Variants in BTBD7 observed in about 807,000 individuals in gnomAD.
BTBD7 encodes BTB/POZ domain-containing protein 7.
BTBD7 carries 38 observed loss-of-function variants against 99.9 expected under a neutral mutation model. The observed-to-expected ratio is 0.38, with a 90% CI of 0.29 to 0.50. The LOEUF (loss-of-function observed/expected upper bound fraction) is 0.50. Among genes scored for constraint, BTBD7 ranks in the 20% least tolerant of loss-of-function variants. The pLI, the probability that BTBD7 is intolerant of heterozygous loss-of-function variation, is 0.93. For missense variants in BTBD7, 1,170 were observed against 1,394.6 expected (o/e 0.84, Z 2.57); for synonymous variants, 520 against 511.4 (o/e 1.02, Z -0.23).
chr14:93,272,968 A>G (rs888873817), intron 3 of BTBD7, among the ~76,000 whole-genome samples: 26 of 152,190 alleles, frequency 1.7e-4, no homozygotes, highest in African/African-American at 6.3e-4. Flanking sequence ...AATGACCTGC[A>G]TGTCAGCCTT....
Position 93,332,813 on chromosome 14 carries a change from C to T in BTBD7, c.-107+7G>A, listed in dbSNP as rs1190814031. On this transcript the variant is annotated splice_region_variant and intron_variant, in intron 1 of 10. Coordinates refer to ENST00000334746, the MANE Select transcript of BTBD7 (RefSeq NM_001002860.4). ...CCACAGCCTCAGAGACACCAAGGGA[C>T]ACTCACCCCGGAGGCTCCTCCCGCC... is the stretch of plus-strand genomic sequence containing the variant. 1 of 1,477,236 alleles carries T rather than the reference C, an allele frequency of 6.8e-7. No individual in the cohort carries two copies. Among genetic ancestry groups the T allele is most frequent in the Non-Finnish European group, 8.9e-7 (1 of 1,120,358 alleles). The allele number at this position is 1,477,236 out of a possible 1,614,324, so 91.5% of individuals were successfully genotyped here.
intron 1 of BTBD7, among the ~76,000 whole-genome samples, chr14:93,306,348 C>T (rs2053069824): frequency 6.6e-6 from 1 of 151,488 alleles, no homozygotes; most frequent in African/African-American, 2.4e-5. Context: ...TGGCTCACGC[C>T]TATAATCCCA....
In BTBD7 at chr14:93,284,481, G is replaced by A. The variant is rs908846410; in HGVS notation, c.1162+9377C>T. Among the ~76,000 whole-genome samples, 44 of 149,804 alleles carry A rather than the reference G, an allele frequency of 2.9e-4. 1 individual carries two copies. Among genetic ancestry groups the A allele is most frequent in the Admixed American group, 2.0e-4 (3 of 15,070 alleles). The stretch of plus-strand genomic sequence containing the variant: ...CACTTTTTTTTTTTTTAAAGAAAAG[G>A]TTACTCAGCTTTCAAAGGTATTAAA... On this transcript the variant is annotated intron_variant, in intron 3 of 10. Transcript: ENST00000334746.
intron 3 of BTBD7, among the ~76,000 whole-genome samples, chr14:93,292,898 A>G (rs1469412496): frequency 3.9e-5 from 6 of 152,128 alleles, no homozygotes; most frequent in East Asian, 1.9e-4. Flanking sequence ...CATATAATAC[A>G]TATTATTTTC....
rs572717867 is a variant in BTBD7 at position 93,309,946 on chromosome 14, C to A, written c.-106-13789G>T. ...CTACCCATTGCCAAGTTTCAACCAA[C>A]ATTTACCAATTGGCAGGTGTTTTTT... On this transcript the variant is annotated intron_variant, in intron 1 of 10. Coordinates refer to ENST00000334746, the MANE Select transcript of BTBD7 (RefSeq NM_001002860.4). 1.2e-4 allele frequency among the ~76,000 whole-genome samples: 18 copies of A among 149,470 alleles called. No homozygotes were observed. The East Asian group carries it at 3.3e-3, about 28-fold the overall frequency.
chr14:93,326,985 G>A (rs1374312726), intron 1 of BTBD7, among the ~76,000 whole-genome samples: 1 of 151,538 alleles, frequency 6.6e-6, no homozygotes, highest in Non-Finnish European at 1.5e-5. Flanking sequence ...AGGCAACACT[G>A]CAAGGCCCTG....
intron 3 of BTBD7, among the ~76,000 whole-genome samples, chr14:93,272,154 T>TA (rs1397523223): frequency 6.6e-6 from 1 of 152,048 alleles, no homozygotes; most frequent in Non-Finnish European, 1.5e-5. Context: ...CCATCTGTAC[T>TA]AAAAATCTAC....
At chr14:93,326,195 G>A (rs1894670029) in intron 1 of BTBD7, among the ~76,000 whole-genome samples, 1 of 152,214 alleles carries the variant, frequency 6.6e-6, no homozygotes, top group Non-Finnish European at 1.5e-5. Context: ...AGCTGGGCAT[G>A]GTGGCTCACA....
At chr14:93,327,641 G>A (rs1458444037) in intron 1 of BTBD7, among the ~76,000 whole-genome samples, 1 of 152,018 alleles carries the variant, frequency 6.6e-6, no homozygotes, top group African/African-American at 2.4e-5. Context: ...ACATAATCAA[G>A]GTCTTATATA....
At chr14:93,274,381 T>C (rs937778368) in intron 3 of BTBD7, among the ~76,000 whole-genome samples, 9 of 152,176 alleles carry the variant, frequency 5.9e-5, no homozygotes, top group African/African-American at 2.2e-4. Flanking sequence ...GCTGTGAAAA[T>C]TGTGACCCTT....
chr14:93,259,561 G>A (rs2139699561), intron 5 of BTBD7, among the ~76,000 whole-genome samples: 1 of 152,090 alleles, frequency 6.6e-6, no homozygotes, highest in South Asian at 2.1e-4. Context: ...TTGATTTTGG[G>A]GTTACAAATA....
intron 5 of BTBD7, among the ~76,000 whole-genome samples, chr14:93,261,141 G>A (rs147645551): frequency 1.3e-5 from 2 of 152,146 alleles, no homozygotes; most frequent in African/African-American, 2.4e-5. Context: ...GCCTGTACTC[G>A]TATTTTTAAA....
intron 1 of BTBD7, among the ~76,000 whole-genome samples, chr14:93,299,193 C>T (rs2052964080): frequency 6.6e-6 from 1 of 152,140 alleles, no homozygotes; most frequent in African/African-American, 2.4e-5. Flanking sequence ...GATGGGTAAC[C>T]CTGACTACAG....
chr14:93,320,765 G>A (rs910467430), intron 1 of BTBD7, among the ~76,000 whole-genome samples: 3 of 151,764 alleles, frequency 2.0e-5, no homozygotes, highest in Admixed American at 6.6e-5. Flanking sequence ...TGAGGTAACA[G>A]TCAAGGTTTA....
At chr14:93,244,137 G>A (rs1231489919) in intron 10 of BTBD7, 12 of 483,448 alleles carry the variant, frequency 2.5e-5, no homozygotes, top group Non-Finnish European at 4.5e-5. Context: ...ATGACAGGAA[G>A]CAGAGTGACT....
intron 1 of BTBD7, among the ~76,000 whole-genome samples, chr14:93,311,760 T>TTA (rs2053141028): frequency 6.6e-6 from 1 of 150,458 alleles, no homozygotes; most frequent in Non-Finnish European, 1.5e-5. Context: ...TTTTTTTTTT[T>TTA]ACAATTCTTT....
At chr14:93,280,790 C>A (rs891872671) in intron 3 of BTBD7, among the ~76,000 whole-genome samples, 1 of 151,378 alleles carries the variant, frequency 6.6e-6, no homozygotes, top group Non-Finnish European at 1.5e-5. Context: ...GCAGTCCCAT[C>A]ATATATATAC....
rs1205554220 is a variant in BTBD7, at chr14:93,241,997, G to T, written c.*276C>A. 2 of 445,680 alleles carry T rather than the reference G, an allele frequency of 4.5e-6. No individual in the cohort carries two copies. The highest frequency in any genetic ancestry group is 3.9e-6 in the Non-Finnish European group (1 of 253,530). 27.6% of individuals were successfully genotyped at this position (445,680 alleles called of 1,614,324 possible). On this transcript the variant is annotated 3_prime_UTR_variant, in exon 11 of 11. Transcript: ENST00000334746. The stretch of plus-strand genomic sequence containing the variant: ...CAAGTGCAAAAAAATTCCATCATTT[G>T]TAAAGAGAAATAAAAAGTGCCAGCC...
chr14:93,300,704 T>TTGTGTGTGTGTG (rs57228905), intron 1 of BTBD7, among the ~76,000 whole-genome samples: 29 of 87,088 alleles, frequency 3.3e-4, no homozygotes, highest in East Asian at 1.1e-3. Flanking sequence ...CCCAGCTAAT[T>TTGTGTGTGTGTG]TGTGTGTGTG....
Sources: allele counts gnomAD v4.1 joint callset (sites outside exome capture counted in the v4.1 genomes callset), GRCh38; gene constraint gnomAD v4.1.1; transcripts MANE v1.5; gene names NCBI Gene and HGNC (gene_info 2026-07-23, HGNC 2026-07-21).